Variants in CTNNA2 observed in about 807,000 individuals in gnomAD.
The protein encoded by CTNNA2 is catenin alpha-2.
Under a neutral mutation model 101.0 loss-of-function variants are expected in CTNNA2, and 42 were observed. The ratio of observed to expected loss-of-function variants is 0.42; its 90% CI spans 0.32 to 0.54. CTNNA2 has a LOEUF of 0.54. CTNNA2 is among the 20% of genes least tolerant of loss of function. The probability of loss-of-function intolerance (pLI) is 0.14; values close to 1 mark genes in which losing one functional copy is unlikely to be tolerated. For missense variants in CTNNA2, 871 were observed against 1,223.1 expected, an observed-to-expected ratio of 0.71 and a Z score of 4.29; for synonymous variants, 450 against 456.4, an observed-to-expected ratio of 0.99 and a Z score of 0.18.
At chr2:79,667,960 G>C (rs1183538995) in intron 2 of CTNNA2, among the ~76,000 whole-genome samples, 1 of 151,074 alleles carries the variant, frequency 6.6e-6, no homozygotes, top group Non-Finnish European at 1.5e-5. Context: ...AAAACTTGAG[G>C]CCGGGCGCGG....
chr2:79,232,494 A>G (rs1674505057), intron 2 of CTNNA2, among the ~76,000 whole-genome samples: 1 of 151,938 alleles, frequency 6.6e-6, no homozygotes, highest in Admixed American at 6.6e-5. Context: ...ATTGGCCTGA[A>G]TTTTCTTTTT....
intron 7 of CTNNA2, among the ~76,000 whole-genome samples, chr2:80,315,766 T>C (rs189022451): frequency 6.6e-6 from 1 of 152,306 alleles, no homozygotes; most frequent in African/African-American, 2.4e-5. Context: ...GTTTTTGCAG[T>C]TTAAGTACAG....
chr2:80,608,411 C>G, intron 17 of CTNNA2, 93 bp downstream of exon 17: 1 of 1,371,568 alleles, frequency 7.3e-7, no homozygotes, highest in African/African-American at 1.4e-5. Flanking sequence ...AAACACCAAA[C>G]TACAGTGATT....
At chr2:79,935,671 G>A (rs1029436087) in intron 7 of CTNNA2, among the ~76,000 whole-genome samples, 1 of 152,198 alleles carries the variant, frequency 6.6e-6, no homozygotes, top group Non-Finnish European at 1.5e-5. Flanking sequence ...CTATACATGA[G>A]ATGAATGCAT....
chr2:79,730,862 A>T (rs1197837105), intron 2 of CTNNA2, among the ~76,000 whole-genome samples: 1 of 152,054 alleles, frequency 6.6e-6, no homozygotes, highest in East Asian at 1.9e-4. Context: ...AAATAAATAA[A>T]TAAAAAACAA....
At chr2:80,062,702 CTTTTTT>C (rs70940073) in intron 7 of CTNNA2, among the ~76,000 whole-genome samples, 4 of 117,506 alleles carry the variant, frequency 3.4e-5, no homozygotes, top group Admixed American at 2.6e-4. Flanking sequence ...GCACTGTGAT[CTTTTTT>C]TTTTTTTTTT....
At chr2:80,556,810 A>T (rs1382081460) in intron 12 of CTNNA2, among the ~76,000 whole-genome samples, 1 of 152,206 alleles carries the variant, frequency 6.6e-6, no homozygotes, top group Non-Finnish European at 1.5e-5. Flanking sequence ...ATGAATAATG[A>T]ATTGGTGCAT....
chr2:79,584,481 A>G (rs1163691498), intron 1 of CTNNA2, among the ~76,000 whole-genome samples: 1 of 151,846 alleles, frequency 6.6e-6, no homozygotes, highest in East Asian at 1.9e-4. Context: ...TTAGGATATA[A>G]TGAGATAAAA....
intron 3 of CTNNA2, among the ~76,000 whole-genome samples, chr2:79,320,816 A>T (rs1473356): frequency 0.11 from 16,818 of 152,210 alleles, 1,117 homozygotes; most frequent in Middle Eastern, 0.21. Flanking sequence ...ACAACATGAA[A>T]GTACTGAGGG....
chr2:79,224,163 G>C (rs1674380379), intron 2 of CTNNA2, among the ~76,000 whole-genome samples: 1 of 152,082 alleles, frequency 6.6e-6, no homozygotes, highest in Non-Finnish European at 1.5e-5. Flanking sequence ...ATATGTATTT[G>C]TGTGTGTATA....
Position 80,302,236 on chromosome 2 carries a change from G to C in CTNNA2, c.1057-90975G>C. ...GCGTATTTGGTAGCGCATGGGTTGAGAGCCACTGGGACAATCACACCTCGC... is the reference window on the plus strand; with the variant it reads ...GCGTATTTGGTAGCGCATGGGTTGACAGCCACTGGGACAATCACACCTCGC... On this transcript the variant is annotated intron_variant, in intron 7 of 18. Transcript: ENST00000402739. The surrounding 1 kb of genome is among the most constrained non-coding windows in gnomAD (Gnocchi z 6.4). The C allele has an allele frequency of 1.2e-6, 2 of 1,607,398 alleles. No homozygotes were observed. Among genetic ancestry groups the C allele is most frequent in the South Asian group, 1.1e-5 (1 of 90,022 alleles).
At chr2:80,464,478 C>T (rs1028828729) in intron 9 of CTNNA2, among the ~76,000 whole-genome samples, 2 of 152,168 alleles carry the variant, frequency 1.3e-5, no homozygotes, top group African/African-American at 2.4e-5. Context: ...CTTTGTGCTT[C>T]AGTGAGGTTT....
chr2:80,458,057 T>C (rs1684127749), intron 9 of CTNNA2, among the ~76,000 whole-genome samples: 1 of 152,230 alleles, frequency 6.6e-6, no homozygotes, highest in African/African-American at 2.4e-5. Context: ...GAGTATCTAT[T>C]TTTCAATCCT....
intron 7 of CTNNA2, among the ~76,000 whole-genome samples, chr2:80,336,523 TTATCCAAAG>T (rs1671777174): frequency 6.6e-6 from 1 of 152,236 alleles, no homozygotes; most frequent in Non-Finnish European, 1.5e-5. Context: ...ATGCAGATTA[TTATCCAAAG>T]TTTGATATTT....
chr2:80,351,228 G>C (rs1013510948), intron 7 of CTNNA2, among the ~76,000 whole-genome samples: 3 of 151,826 alleles, frequency 2.0e-5, no homozygotes, highest in African/African-American at 4.8e-5. Context: ...ATAAAAATAG[G>C]GAACCAAAAG....
intron 2 of CTNNA2, among the ~76,000 whole-genome samples, chr2:79,248,216 A>G (rs1395803971): frequency 6.6e-6 from 1 of 152,176 alleles, no homozygotes; most frequent in Non-Finnish European, 1.5e-5. Flanking sequence ...CCTTCAAGGC[A>G]ATGTCTTGAC....
At chr2:80,038,540 G>T (rs1476827888) in intron 7 of CTNNA2, among the ~76,000 whole-genome samples, 2 of 152,118 alleles carry the variant, frequency 1.3e-5, no homozygotes, top group Admixed American at 1.3e-4. Context: ...GGGCAACATG[G>T]TGAAACCTGG....
At chr2:79,803,328 G>A (rs1202290471) in intron 3 of CTNNA2, among the ~76,000 whole-genome samples, 3 of 152,164 alleles carry the variant, frequency 2.0e-5, no homozygotes, top group African/African-American at 7.2e-5. Context: ...GAAATCAGGG[G>A]TCTCCCAGCC....
At chr2:79,699,766 A>G (rs1684870811) in intron 2 of CTNNA2, among the ~76,000 whole-genome samples, 1 of 148,156 alleles carries the variant, frequency 6.7e-6, no homozygotes, top group Non-Finnish European at 1.5e-5. Flanking sequence ...TCCAATGAAA[A>G]TTTAGTCCAA....
Sources: allele counts gnomAD v4.1 joint callset (sites outside exome capture counted in the v4.1 genomes callset), GRCh38; gene constraint gnomAD v4.1.1; non-coding constraint Gnocchi (gnomAD v3.1); transcripts MANE v1.5; gene names NCBI Gene and HGNC (gene_info 2026-07-23, HGNC 2026-07-21).